RTL4: variants seen among roughly 807,000 people sequenced by gnomAD.
The protein encoded by RTL4 is retrotransposon Gag like 4.
A neutral mutation model predicts 5.3 loss-of-function variants in RTL4; 4 were observed. That is an observed-to-expected ratio of 0.75 (90% CI 0.37 to 1.72). RTL4 has a LOEUF of 1.72. Ranked by LOEUF, RTL4 falls within the 40% of genes most tolerant of loss-of-function variation. The pLI is 0.04. For synonymous variants in RTL4, 98 were observed against 87.3 expected (o/e 1.12, Z -0.68); for missense variants, 260 against 227.1 (o/e 1.14, Z -0.93).
chrX:112,229,916 G>A, the RTL4 span, among the ~76,000 whole-genome samples: 12 of 112,030 alleles, frequency 1.1e-4, no homozygotes, highest in South Asian at 3.7e-4. Flanking sequence ...GTACCCGGCC[G>A]TGTGAGGTGT....
At chrX:112,354,129 G>GC in the RTL4 span, among the ~76,000 whole-genome samples, 1 of 111,079 alleles carries the variant, frequency 9.0e-6, no homozygotes, top group African/African-American at 3.3e-5. Context: ...AGAGACTTTG[G>GC]CATAGAAGGG....
At chrX:112,213,694 G>A in the RTL4 span, among the ~76,000 whole-genome samples, 1 of 111,475 alleles carries the variant, frequency 9.0e-6, no homozygotes. Flanking sequence ...AATGGGATTA[G>A]GTATATTCCA....
chrX:112,151,449 A>C, the RTL4 span, among the ~76,000 whole-genome samples: 1 of 111,941 alleles, frequency 8.9e-6, no homozygotes, highest in Admixed American at 9.5e-5. Context: ...GGTGTGCACT[A>C]ACCATTCAGT....
the RTL4 span, among the ~76,000 whole-genome samples, chrX:112,174,054 CTT>C: frequency 8.6e-5 from 7 of 81,547 alleles, no homozygotes; most frequent in Admixed American, 1.3e-4. Context: ...ATTTTCGTTT[CTT>C]TTTTTTTTTT....
At chrX:112,413,340 T>A in the RTL4 span, among the ~76,000 whole-genome samples, 1 of 111,426 alleles carries the variant, frequency 9.0e-6, no homozygotes, top group African/African-American at 3.3e-5. Flanking sequence ...GATCTACCAA[T>A]TCCACTGCTA....
At chrX:112,113,044 T>C in the RTL4 span, among the ~76,000 whole-genome samples, 25 of 111,813 alleles carry the variant, frequency 2.2e-4, no homozygotes, top group Non-Finnish European at 1.9e-4. Context: ...ACTCCTAGAA[T>C]TGGGGTGTTG....
the RTL4 span, among the ~76,000 whole-genome samples, chrX:112,401,826 T>A: frequency 8.9e-6 from 1 of 112,136 alleles, no homozygotes; most frequent in Non-Finnish European, 1.9e-5. Flanking sequence ...TTTAATCAAC[T>A]CAGATCCCTG....
the RTL4 span, among the ~76,000 whole-genome samples, chrX:112,133,854 A>C: frequency 2.4e-4 from 27 of 112,051 alleles, no homozygotes; most frequent in Non-Finnish European, 4.7e-4. Context: ...TGATCTATAT[A>C]GTTTTAAACA....
the RTL4 span, among the ~76,000 whole-genome samples, chrX:112,115,035 G>A: frequency 4.5e-5 from 5 of 110,962 alleles, no homozygotes; most frequent in East Asian, 1.4e-3. Flanking sequence ...GGTCCCAATG[G>A]CATAGGATGC....
chrX:112,150,561 T>C, the RTL4 span, among the ~76,000 whole-genome samples: 1 of 112,087 alleles, frequency 8.9e-6, no homozygotes, highest in Non-Finnish European at 1.9e-5. Context: ...AAATGTTCAG[T>C]AATGGTGGCA....
chrX:112,271,592 T>G, the RTL4 span, among the ~76,000 whole-genome samples: 1 of 112,459 alleles, frequency 8.9e-6, no homozygotes, highest in East Asian at 2.8e-4. Context: ...ATTCCTGCCC[T>G]TGAGAGTTTA....
chrX:112,240,306 T>G, the RTL4 span, among the ~76,000 whole-genome samples: 2 of 111,169 alleles, frequency 1.8e-5, no homozygotes, highest in Admixed American at 9.6e-5. Context: ...AAATATAAAA[T>G]GAACAGAACC....
the RTL4 span, among the ~76,000 whole-genome samples, chrX:112,220,392 C>T: frequency 8.9e-6 from 1 of 112,754 alleles, no homozygotes; most frequent in Admixed American, 9.3e-5. Flanking sequence ...CCCAAGGCTG[C>T]ACACAGTAGG....
chrX:112,377,192 T>G, the RTL4 span, among the ~76,000 whole-genome samples: 3 of 111,535 alleles, frequency 2.7e-5, no homozygotes, highest in Admixed American at 1.9e-4. Flanking sequence ...CCAATAGAGG[T>G]TCTAGAGGCA....
At chrX:112,193,368 A>T in the RTL4 span, among the ~76,000 whole-genome samples, 1 of 110,912 alleles carries the variant, frequency 9.0e-6, no homozygotes, top group Non-Finnish European at 1.9e-5. Context: ...TTTGCTACTG[A>T]ATCTAGATCT....
chrX:112,287,765 A>G, the RTL4 span, among the ~76,000 whole-genome samples: 1 of 111,892 alleles, frequency 8.9e-6, no homozygotes, highest in Non-Finnish European at 1.9e-5. Context: ...AGGTGATATT[A>G]ACTGTCAAAA....
At chrX:112,203,737 C>T in the RTL4 span, among the ~76,000 whole-genome samples, 2 of 111,919 alleles carry the variant, frequency 1.8e-5, no homozygotes, top group East Asian at 5.6e-4. Context: ...TTTAGCTATT[C>T]TAGGGCCTAT....
the RTL4 span, among the ~76,000 whole-genome samples, chrX:112,168,794 A>T: frequency 9.0e-6 from 1 of 111,707 alleles, no homozygotes; most frequent in Admixed American, 9.5e-5. Flanking sequence ...TTGAGAAGTA[A>T]TAATAAGTAT....
the RTL4 span, among the ~76,000 whole-genome samples, chrX:112,289,129 G>A: frequency 2.7e-5 from 3 of 112,100 alleles, no homozygotes; most frequent in Non-Finnish European, 5.6e-5. Context: ...GAATAAGTAC[G>A]AAGGGACTGA....
Sources: gnomAD v4.1 joint callset for allele counts (sites outside exome capture counted in the v4.1 genomes callset) on GRCh38, gnomAD v4.1.1 for gene constraint, MANE v1.5 for transcripts, NCBI Gene and HGNC (gene_info 2026-07-23, HGNC 2026-07-21) for gene names.